CLVS1: variants seen among roughly 807,000 people sequenced by gnomAD.
The protein encoded by CLVS1 is clavesin 1, also known as clavesin-1.
CLVS1 carries 10 observed loss-of-function variants against 33.1 expected under a neutral mutation model. The ratio of observed to expected loss-of-function variants is 0.30; its 90% CI spans 0.19 to 0.51. CLVS1 has a LOEUF of 0.51. CLVS1 is among the 20% of genes least tolerant of loss of function. The probability of loss-of-function intolerance (pLI) is 0.97; values close to 1 mark genes in which losing one functional copy is unlikely to be tolerated. For missense variants in CLVS1, 343 were observed against 433.4 expected (o/e 0.79, Z 1.85); for synonymous variants, 163 against 166.1 (o/e 0.98, Z 0.14).
chr8:61,161,549 A>G (rs1275546907), intron 2 of CLVS1, among the ~76,000 whole-genome samples: 4 of 152,238 alleles, frequency 2.6e-5, no homozygotes, highest in African/African-American at 9.6e-5. Flanking sequence ...AGCCAGACAT[A>G]GAAAGACAAA....
chr8:61,229,915 C>T (rs190459421), intron 2 of CLVS1, among the ~76,000 whole-genome samples: 13 of 152,306 alleles, frequency 8.5e-5, no homozygotes, highest in South Asian at 2.1e-4. Flanking sequence ...CCTGAGCCAC[C>T]GCACCCAGCT....
At chr8:61,478,543 G>T (rs1451462168) in intron 5 of CLVS1, among the ~76,000 whole-genome samples, 10 of 152,196 alleles carry the variant, frequency 6.6e-5, no homozygotes, top group African/African-American at 2.4e-4. Context: ...AGTTCTTCTT[G>T]TTGAATTGAT....
the CLVS1 span, among the ~76,000 whole-genome samples, chr8:60,977,021 C>CA: frequency 6.6e-6 from 1 of 152,256 alleles, no homozygotes. Flanking sequence ...TCCAAACCCT[C>CA]AGACACTTTT....
At chr8:61,039,260 T>C in the CLVS1 span, among the ~76,000 whole-genome samples, 3 of 152,244 alleles carry the variant, frequency 2.0e-5, no homozygotes, top group Non-Finnish European at 4.4e-5. Flanking sequence ...TCTAGTATCT[T>C]CTAATCTATA....
chr8:61,003,531 TA>T, the CLVS1 span, among the ~76,000 whole-genome samples: 9 of 152,216 alleles, frequency 5.9e-5, no homozygotes, highest in Non-Finnish European at 1.3e-4. Context: ...ACTGCAAGGA[TA>T]ACTGGCAATG....
chr8:61,193,864 A>G (rs1388204938), intron 2 of CLVS1, among the ~76,000 whole-genome samples: 1 of 152,096 alleles, frequency 6.6e-6, no homozygotes, highest in Non-Finnish European at 1.5e-5. Context: ...CATTGTGCTA[A>G]ACAATAGTAT....
At chr8:61,424,754 G>A (rs1057414685) in intron 3 of CLVS1, among the ~76,000 whole-genome samples, 2 of 152,138 alleles carry the variant, frequency 1.3e-5, no homozygotes, top group Admixed American at 1.3e-4. Context: ...AATTTGCTGT[G>A]CATTCCAGTT....
intron 2 of CLVS1, among the ~76,000 whole-genome samples, chr8:61,371,811 A>G (rs1173311123): frequency 1.3e-5 from 2 of 152,238 alleles, no homozygotes; most frequent in Non-Finnish European, 2.9e-5. Flanking sequence ...AGTAGAACCT[A>G]AAAATGAGTC....
At chr8:61,306,726 C>T (rs768528153) in intron 2 of CLVS1, among the ~76,000 whole-genome samples, 2 of 152,226 alleles carry the variant, frequency 1.3e-5, no homozygotes, top group African/African-American at 4.8e-5. Flanking sequence ...AACCTCCATA[C>T]TGTTCTCCAT....
At chr8:61,127,469 C>T (rs1247859161) in intron 1 of CLVS1, among the ~76,000 whole-genome samples, 4 of 152,138 alleles carry the variant, frequency 2.6e-5, no homozygotes, top group Non-Finnish European at 5.9e-5. Context: ...ATCCATCCGC[C>T]TTGGCCTCCC....
chr8:61,194,541 G>C (rs1004150459), intron 2 of CLVS1, among the ~76,000 whole-genome samples: 3 of 151,936 alleles, frequency 2.0e-5, no homozygotes, highest in African/African-American at 7.2e-5. Flanking sequence ...GCAATTTTAA[G>C]ATTTTATGTT....
rs987713026 is a variant in CLVS1, at chr8:61,260,695, G to A, written c.-151-38982G>A. ...AAAGTGGTCCTGCCTGGTCCAGCCC[G>A]AACATATTGACAGGCTCCTAGGGCC... On this transcript the variant is annotated intron_variant, in intron 2 of 2. Transcript: ENST00000522621. 4.6e-5 allele frequency among the ~76,000 whole-genome samples: 7 copies of A among 152,284 alleles called. No homozygotes were observed. The East Asian group carries it at 7.7e-4, about 17-fold the overall frequency.
chr8:61,124,824 G>A (rs1015296470), intron 1 of CLVS1, among the ~76,000 whole-genome samples: 6 of 152,146 alleles, frequency 3.9e-5, no homozygotes, highest in East Asian at 1.9e-4. Flanking sequence ...AGACACCCAC[G>A]TAAATGCCAT....
chr8:61,200,568 C>T (rs1348865988), intron 2 of CLVS1, among the ~76,000 whole-genome samples: 1 of 152,202 alleles, frequency 6.6e-6, no homozygotes, highest in Non-Finnish European at 1.5e-5. Context: ...CATGGACATA[C>T]ATCTTTGAGT....
chr8:61,321,709 GATGTC>G (rs1199049766), intron 2 of CLVS1, among the ~76,000 whole-genome samples: 18 of 152,130 alleles, frequency 1.2e-4, no homozygotes, highest in African/African-American at 4.3e-4. Context: ...AAGTTCCAGA[GATGTC>G]ATATCCTCTG....
Position 61,221,025 on chromosome 8 carries a change from A to T in CLVS1, c.-151-78652A>T, listed in dbSNP as rs186543704. Among the ~76,000 whole-genome samples, 237 of 152,280 alleles carry T rather than the reference A, an allele frequency of 1.6e-3. 2 individuals are homozygous for T. The highest frequency in any genetic ancestry group is 5.6e-3 in the African/African-American group (231 of 41,566). On this transcript the variant is annotated intron_variant, in intron 2 of 2. Coordinates refer to the CLVS1 transcript ENST00000522621. ...TAAAGGAATGCTTGAGATTTTGCAC[A>T]TTTATTTTGTATCCTGAGACTTCGC...
intron 1 of CLVS1, among the ~76,000 whole-genome samples, chr8:61,069,985 G>T (rs546689631): frequency 6.6e-6 from 1 of 152,178 alleles, no homozygotes; most frequent in East Asian, 1.9e-4. Context: ...TAGAGACAGG[G>T]TTTTGCCATG....
intron 2 of CLVS1, among the ~76,000 whole-genome samples, chr8:61,279,035 C>T (rs1315250762): frequency 6.6e-6 from 1 of 152,212 alleles, no homozygotes; most frequent in East Asian, 1.9e-4. Context: ...CCATAGTGGG[C>T]CAATCAAACT....
At chr8:60,986,466 C>T in the CLVS1 span, among the ~76,000 whole-genome samples, 1 of 152,336 alleles carries the variant, frequency 6.6e-6, no homozygotes, top group Admixed American at 6.5e-5. Flanking sequence ...TTCCCGAATT[C>T]CATACTCTTT....
Sources: gnomAD v4.1 joint callset for allele counts (sites outside exome capture counted in the v4.1 genomes callset) on GRCh38, gnomAD v4.1.1 for gene constraint, MANE v1.5 for transcripts, NCBI Gene and HGNC (gene_info 2026-07-23, HGNC 2026-07-21) for gene names.